The following TBPL1 variants were observed in gnomAD, a reference collection of about 807,000 sequenced individuals.
TBPL1 encodes TATA-box binding protein like 1.
In TBPL1, 4 loss-of-function variants were observed where a neutral mutation model predicts 22.1. The observed-to-expected ratio is 0.18, with a 90% CI of 0.09 to 0.41. TBPL1 has a LOEUF of 0.41. TBPL1 is among the 10% of genes least tolerant of loss of function. The probability of loss-of-function intolerance (pLI) is 1.00; values close to 1 mark genes in which losing one functional copy is unlikely to be tolerated. For missense variants in TBPL1, 115 were observed against 222.3 expected (o/e 0.52, Z 3.07); for synonymous variants, 64 against 71.0 (o/e 0.90, Z 0.50).
At chr6:133,983,074 C>G (rs1218041943) in intron 4 of TBPL1, among the ~76,000 whole-genome samples, 194 bp downstream of exon 4, 1 of 152,152 alleles carries the variant, frequency 6.6e-6, no homozygotes, top group East Asian at 1.9e-4. Context: ...GTAAAGGATC[C>G]TAGCTTTTTC....
Position 133,987,297 on chromosome 6 carries a change from A to G in TBPL1, c.*257A>G, listed in dbSNP as rs955641126. On this transcript the variant is annotated 3_prime_UTR_variant, in exon 7 of 7. Transcript: ENST00000237264. ...TTTTCGCAGTAATTCTCATGTCCCC[A>G]TAAGCAGAGCTGTCACAGTGTGCAC... The G allele has an allele frequency of 1.1e-5, 3 of 264,762 alleles. No individual in the cohort carries two copies. Among genetic ancestry groups the G allele is most frequent in the Non-Finnish European group, 1.4e-5 (2 of 139,494 alleles). 16.4% of individuals were successfully genotyped at this position (264,762 alleles called of 1,614,324 possible). A position where few individuals can be genotyped will look rare whatever the true frequency, so the allele number is the denominator to read the frequency against.
chr6:133,963,837 T>C (rs1776067995), intron 1 of TBPL1, among the ~76,000 whole-genome samples: 1 of 149,064 alleles, frequency 6.7e-6, no homozygotes, highest in Admixed American at 6.7e-5. Context: ...GAGACCATCC[T>C]GGCTAACGTG....
rs59102121 is a variant in TBPL1, at chr6:133,987,648, G to GTATATATATATATATA, written c.*612_*627dup. 3.1e-3 allele frequency: 275 copies of GTATATATATATATATA among 88,348 alleles called. 3 individuals are homozygous for GTATATATATATATATA. The highest frequency in any genetic ancestry group is 9.4e-3 in the African/African-American group (260 of 27,530). The allele number at this position is 88,348 out of a possible 1,614,324, so 5.5% of individuals were successfully genotyped here. ...TTTGTGTGTGTGTGTGTGTGTGTGT[G>GTATATATATATATATA]TATATATATATATATATATGCACCA... On this transcript the variant is annotated 3_prime_UTR_variant, in exon 7 of 7. Coordinates refer to ENST00000237264, the MANE Select transcript of TBPL1 (RefSeq NM_004865.4).
chr6:133,986,262 A>G (rs1776521106), intron 6 of TBPL1, among the ~76,000 whole-genome samples: 1 of 152,190 alleles, frequency 6.6e-6, no homozygotes, highest in South Asian at 2.1e-4. Context: ...GTATTGGTGA[A>G]GCCATTTTTA....
chr6:133,955,446 CAT>C (rs1326745800), intron 1 of TBPL1, among the ~76,000 whole-genome samples: 2 of 151,976 alleles, frequency 1.3e-5, no homozygotes, highest in East Asian at 1.9e-4. Context: ...GCATTTTCAA[CAT>C]GTGTCCTTCG....
intron 1 of TBPL1, among the ~76,000 whole-genome samples, chr6:133,956,038 C>T (rs1284730930): frequency 6.6e-6 from 1 of 152,038 alleles, no homozygotes; most frequent in Admixed American, 6.6e-5. Context: ...TTAAAAAAAT[C>T]AGAAAATACT....
At chr6:133,985,894 C>G (rs563252327) in intron 6 of TBPL1, 3 of 152,218 alleles carry the variant, frequency 2.0e-5, no homozygotes, top group Admixed American at 2.0e-4. Context: ...CTCTCTGTTT[C>G]TACACTTTGG....
At chr6:133,977,674 C>A (rs1266568927) in intron 1 of TBPL1, among the ~76,000 whole-genome samples, 2 of 152,178 alleles carry the variant, frequency 1.3e-5, no homozygotes, top group Non-Finnish European at 2.9e-5. Context: ...TTAGGTTTGG[C>A]TGTATATCAC....
chr6:133,974,396 C>T (rs1292936686), intron 1 of TBPL1, among the ~76,000 whole-genome samples: 7 of 152,136 alleles, frequency 4.6e-5, no homozygotes, highest in African/African-American at 1.4e-4. Flanking sequence ...TGCAGTGGCG[C>T]GATCTCAGCT....
chr6:133,965,265 C>T (rs986164573), intron 1 of TBPL1, among the ~76,000 whole-genome samples: 1 of 152,098 alleles, frequency 6.6e-6, no homozygotes, highest in East Asian at 1.9e-4. Context: ...AACTTTTTAG[C>T]TTTTAAAATT....
intron 6 of TBPL1, among the ~76,000 whole-genome samples, chr6:133,985,290 AAAAAAAAATATATATATATAT>A (rs1478433517): frequency 1.6e-5 from 1 of 64,438 alleles, no homozygotes; most frequent in African/African-American, 6.2e-5. Context: ...AAAAAAAAAA[AAAAAAAAATATATATATATAT>A]ATATATATAT....
rs200249148 is a variant in TBPL1, at chr6:133,987,648, G to GTGTGTATATATATATATATATATA, written c.*609_*610insGTGTATATATATATATATATATAT. 4.5e-5 allele frequency: 4 copies of GTGTGTATATATATATATATATATA among 88,318 alleles called. No homozygotes were observed. The highest frequency in any genetic ancestry group is 1.5e-4 in the African/African-American group (4 of 27,500). 5.5% of individuals were successfully genotyped at this position (88,318 alleles called of 1,614,324 possible). ...TTTGTGTGTGTGTGTGTGTGTGTGT[G>GTGTGTATATATATATATATATATA]TATATATATATATATATATGCACCA... On this transcript the variant is annotated 3_prime_UTR_variant, in exon 7 of 7. Coordinates refer to ENST00000237264, the MANE Select transcript of TBPL1 (RefSeq NM_004865.4).
At chr6:133,978,361 G>A (rs563643896) in intron 1 of TBPL1, among the ~76,000 whole-genome samples, 1 of 152,250 alleles carries the variant, frequency 6.6e-6, no homozygotes, top group East Asian at 1.9e-4. Flanking sequence ...TGGTAGGCAT[G>A]GTCTATTCCA....
At position 133,989,200 on chromosome 6, in the gene TBPL1, T is replaced by A. The variant is rs984326863; in HGVS notation, c.*2160T>A. 22 of 152,186 alleles carry A rather than the reference T, an allele frequency of 1.4e-4. No homozygotes were observed. The highest frequency in any genetic ancestry group is 2.8e-4 in the Non-Finnish European group (19 of 68,040). The allele number at this position is 152,186 out of a possible 1,614,324, so 9.4% of individuals were successfully genotyped here. A position where few individuals can be genotyped will look rare whatever the true frequency, so the allele number is the denominator to read the frequency against. On this transcript the variant is annotated 3_prime_UTR_variant, in exon 7 of 7. Coordinates refer to ENST00000237264, the MANE Select transcript of TBPL1 (RefSeq NM_004865.4). Reference sequence around the variant, plus strand: ...CCATAAGTACTGTAAATTTTTTTTATAAATAAAAACTGTGAATATATATGT... The same window carrying A: ...CCATAAGTACTGTAAATTTTTTTTAAAAATAAAAACTGTGAATATATATGT...
At chr6:133,952,244 G>T (rs1404226422), upstream of TBPL1, 1 of 152,266 alleles carries the variant, frequency 6.6e-6, no homozygotes, top group Non-Finnish European at 1.5e-5. This position sits in a 1 kb window ranked among gnomAD's most constrained non-coding sequence, Gnocchi z 4.5. Flanking sequence ...GACGCACTCG[G>T]GCCCCAGGGC....
At chr6:133,958,199 T>A (rs903257138) in intron 1 of TBPL1, among the ~76,000 whole-genome samples, 2 of 152,244 alleles carry the variant, frequency 1.3e-5, no homozygotes. Flanking sequence ...TGGACTTGAC[T>A]TGTTTAGCTG....
chr6:133,963,064 GC>G (rs2114333614), intron 1 of TBPL1, among the ~76,000 whole-genome samples: 1 of 152,338 alleles, frequency 6.6e-6, no homozygotes, highest in African/African-American at 2.4e-5. Flanking sequence ...TCAGCAATGA[GC>G]CATTCATTTG....
chr6:133,965,258 T>C (rs565165224), intron 1 of TBPL1, among the ~76,000 whole-genome samples: 1 of 152,290 alleles, frequency 6.6e-6, no homozygotes, highest in South Asian at 2.1e-4. Context: ...GAGATGAAAC[T>C]TTTTAGCTTT....
chr6:133,960,916 T>A (rs62425800), intron 1 of TBPL1, among the ~76,000 whole-genome samples: 4 of 152,246 alleles, frequency 2.6e-5, no homozygotes, highest in Non-Finnish European at 5.9e-5. Context: ...AGGTGTGTTT[T>A]AATTAAAATA....
Sources: gnomAD v4.1 joint callset for allele counts (sites outside exome capture counted in the v4.1 genomes callset) on GRCh38, gnomAD v4.1.1 for gene constraint, Gnocchi (gnomAD v3.1) non-coding constraint, MANE v1.5 for transcripts, NCBI Gene and HGNC (gene_info 2026-07-23, HGNC 2026-07-21) for gene names.